OSBPL2: variants seen among roughly 807,000 people sequenced by gnomAD.
OSBPL2 encodes the protein oxysterol-binding protein-related protein 2.
In OSBPL2, 18 loss-of-function variants were observed where a neutral mutation model predicts 58.4. That is an observed-to-expected ratio of 0.31 (90% confidence interval 0.21 to 0.46). The LOEUF (loss-of-function observed/expected upper bound fraction) is 0.46. OSBPL2 is among the 20% of genes least tolerant of loss of function. The pLI, the probability that OSBPL2 is intolerant of heterozygous loss-of-function variation, is 1.00. For synonymous variants in OSBPL2, 221 were observed against 234.1 expected, an observed-to-expected ratio of 0.94 and a Z score of 0.51; for missense variants, 461 against 616.5, an observed-to-expected ratio of 0.75 and a Z score of 2.67.
At chr20:62,259,783 G>A (rs1981172317) in intron 2 of OSBPL2, among the ~76,000 whole-genome samples, 198 bp from the exon 3 acceptor site, 1 of 152,108 alleles carries the variant, frequency 6.6e-6, no homozygotes, top group African/African-American at 2.4e-5. Flanking sequence ...GCGTTCTTAG[G>A]AGGGAAGCTC....
In OSBPL2 at chr20:62,260,005, G is replaced by C. The variant is rs1202357119; in HGVS notation, c.62G>C (p.Gly21Ala). ...VTGFDSDNSS[G>A]EFSEANQKVT... is the part of the protein sequence containing the mutation. Reference sequence around the variant, plus strand: ...GGCTTTGATTCTGATAACTCTTCTGGGGAATTTTCAGAGGCAAATCAGAAA... The same window carrying C: ...GGCTTTGATTCTGATAACTCTTCTGCGGAATTTTCAGAGGCAAATCAGAAA... Residue 21 changes from glycine (G) to alanine (A), a missense_variant, in exon 3 of 14, where the codon GGG becomes GCG. By Grantham distance (60) the Gly-to-Ala change is moderately conservative. Around this residue, in one of 5 missense-constraint regions of OSBPL2, gnomAD observed 80 missense variants for 74.8 expected, o/e 1.07. Transcript: ENST00000313733. The C allele has an allele frequency of 1.2e-6, 2 of 1,613,858 alleles. No individual in the cohort carries two copies. Among genetic ancestry groups the C allele is most frequent in the Non-Finnish European group, 1.7e-6 (2 of 1,179,876 alleles).
intron 1 of OSBPL2, among the ~76,000 whole-genome samples, chr20:62,254,890 A>G (rs932460880): frequency 6.6e-6 from 1 of 152,236 alleles, no homozygotes; most frequent in Non-Finnish European, 1.5e-5. Context: ...GCTAACTTAC[A>G]TAGCAGCCTC....
rs746097246 is a variant in OSBPL2, at chr20:62,284,041, T to G, written c.873-5T>G. On this transcript the variant is annotated splice_region_variant and splice_polypyrimidine_tract_variant and intron_variant, in intron 9 of 13. Transcript: ENST00000313733. ...CTTGTCTTTAAAAATCCCATTTAAT[T>G]ACAGCAAAAAGAAGCTCTTTATGAT... The G allele has an allele frequency of 6.2e-7, 1 of 1,609,540 alleles. No individual in the cohort carries two copies. The highest frequency in any genetic ancestry group is 1.1e-5 in the South Asian group (1 of 90,966).
intron 5 of OSBPL2, 32 bp from the exon 6 acceptor site, chr20:62,273,277 C>T (rs368277384): frequency 1.4e-5 from 22 of 1,564,464 alleles, no homozygotes; most frequent in Non-Finnish European, 1.8e-5. Context: ...CTAACTGAAG[C>T]TGTGCCTGTC....
intron 4 of OSBPL2, among the ~76,000 whole-genome samples, chr20:62,268,178 T>A (rs1447858158): frequency 6.6e-6 from 1 of 151,454 alleles, no homozygotes; most frequent in Non-Finnish European, 1.5e-5. Context: ...ATTACAAGCG[T>A]GAGCCACCGC....
intron 6 of OSBPL2, among the ~76,000 whole-genome samples, chr20:62,277,112 G>A (rs190468237): frequency 9.2e-4 from 140 of 152,238 alleles, no homozygotes; most frequent in East Asian, 6.8e-3. Context: ...TTAGCCGGGC[G>A]TGGTGGCGGG....
At chr20:62,271,184 G>T (rs1208369779) in intron 4 of OSBPL2, among the ~76,000 whole-genome samples, 1 of 152,070 alleles carries the variant, frequency 6.6e-6, no homozygotes, top group Non-Finnish European at 1.5e-5. Flanking sequence ...TTTCCTGGAA[G>T]CCCGGTGGGA....
chr20:62,291,112 T>A (rs989058675), intron 12 of OSBPL2: 1 of 166,748 alleles, frequency 6.0e-6, no homozygotes, highest in Non-Finnish European at 1.3e-5. Context: ...ATCCGCCTGC[T>A]TCAGCCCTCC....
At chr20:62,256,999 C>G (rs532984660) in intron 2 of OSBPL2, among the ~76,000 whole-genome samples, 1 of 152,374 alleles carries the variant, frequency 6.6e-6, no homozygotes, top group African/African-American at 2.4e-5. Flanking sequence ...AGGAGATTCT[C>G]CTTGATGTTC....
intron 1 of OSBPL2, chr20:62,239,068 G>C (rs533584967): frequency 1.3e-5 from 2 of 152,340 alleles, no homozygotes; most frequent in South Asian, 4.1e-4. Context: ...TCCTGTAGGT[G>C]AGGAGGGCGA....
At chr20:62,267,079 A>C (rs545608413) in intron 4 of OSBPL2, among the ~76,000 whole-genome samples, 1 of 152,230 alleles carries the variant, frequency 6.6e-6, no homozygotes, top group Admixed American at 6.5e-5. Context: ...GTGAGATCCC[A>C]TCTCTACAAA....
intron 1 of OSBPL2, among the ~76,000 whole-genome samples, chr20:62,255,580 T>C (rs1980867148): frequency 6.6e-6 from 1 of 152,388 alleles, no homozygotes; most frequent in Non-Finnish European, 1.5e-5. Context: ...CTCAGCTCAC[T>C]GCGATCTCTG....
In OSBPL2 at chr20:62,283,031, C is replaced by A. The variant is rs545766016; in HGVS notation, c.873-1015C>A. Among the ~76,000 whole-genome samples the A allele has an allele frequency of 6.6e-5, 10 of 152,364 alleles. No individual in the cohort carries two copies. In the South Asian group the frequency reaches 1.9e-3, roughly 28 times the overall value. ...CAGTCATCAGTGCCTTGACACCTCT[C>A]CCCCTTGGAACTCAGCCCAGGGAGC... On this transcript the variant is annotated intron_variant, in intron 9 of 13. Coordinates refer to ENST00000313733, the MANE Select transcript of OSBPL2 (RefSeq NM_144498.4).
chr20:62,266,901 GACC>G, intron 4 of OSBPL2, among the ~76,000 whole-genome samples: 1 of 152,284 alleles, frequency 6.6e-6, no homozygotes, highest in East Asian at 1.9e-4. Context: ...CCTGTGTCTG[GACC>G]TTGTTTGTGT....
At chr20:62,266,692 T>C (rs1297757830) in intron 4 of OSBPL2, among the ~76,000 whole-genome samples, 2 of 152,248 alleles carry the variant, frequency 1.3e-5, no homozygotes, top group Non-Finnish European at 2.9e-5. Flanking sequence ...CCCTCGTATT[T>C]TGAAGCAAAT....
At chr20:62,285,842 G>T (rs1376447923) in intron 10 of OSBPL2, 2 of 151,702 alleles carry the variant, frequency 1.3e-5, no homozygotes, top group African/African-American at 4.9e-5. Context: ...GACTTCCTTC[G>T]TCTCTGCGAA....
rs1373861723 is a variant in OSBPL2, at chr20:62,279,972, C to G, written c.674+633C>G. 3 of 1,303,776 alleles carry G rather than the reference C, an allele frequency of 2.3e-6. No homozygotes were observed. In the African/African-American group the frequency reaches 4.6e-5, roughly 20 times the overall value. The allele number at this position is 1,303,776 out of a possible 1,614,324, so 80.8% of individuals were successfully genotyped here. A position where few individuals can be genotyped will look rare whatever the true frequency, so the allele number is the denominator to read the frequency against. ...GACCCTCTGAGAGGCTGCTTGCCAC[C>G]CCTCTTCACTCTCAGCCTAAATGCT... is the stretch of plus-strand genomic sequence containing the variant. On this transcript the variant is annotated intron_variant, in intron 7 of 13. Transcript: ENST00000313733.
At chr20:62,246,739 C>T (rs779079217) in intron 1 of OSBPL2, among the ~76,000 whole-genome samples, 5 of 152,184 alleles carry the variant, frequency 3.3e-5, no homozygotes, top group South Asian at 2.1e-4. Context: ...CAGTGCCACA[C>T]GGAGGTGCAG....
chr20:62,261,478 G>A (rs550588444), intron 3 of OSBPL2, among the ~76,000 whole-genome samples: 6 of 152,228 alleles, frequency 3.9e-5, no homozygotes, highest in Non-Finnish European at 7.4e-5. Flanking sequence ...GCTCTCCTTC[G>A]AGCTGTAGGC....
Sources: gnomAD v4.1 joint callset for allele counts (sites outside exome capture counted in the v4.1 genomes callset) on GRCh38, gnomAD v4.1.1 for gene constraint, gnomAD v4.1.1 regional missense constraint, MANE v1.5 for transcripts, NCBI Gene and HGNC (gene_info 2026-07-23, HGNC 2026-07-21) for gene names.